Variants in CNTNAP2 observed in about 807,000 individuals in gnomAD.
CNTNAP2 encodes contactin-associated protein-like 2.
CNTNAP2 carries 98 observed loss-of-function variants against 155.2 expected under a neutral mutation model. The ratio of observed to expected loss-of-function variants is 0.63; its 90% confidence interval spans 0.54 to 0.75. The LOEUF (loss-of-function observed/expected upper bound fraction) is 0.75. CNTNAP2 is among the 30% of genes least tolerant of loss of function. The probability of loss-of-function intolerance (pLI) is 0.00; values close to 1 mark genes in which losing one functional copy is unlikely to be tolerated. For synonymous variants in CNTNAP2, 651 were observed against 631.2 expected, an observed-to-expected ratio of 1.03 and a Z score of -0.47; for missense variants, 1,727 against 1,688.1, an observed-to-expected ratio of 1.02 and a Z score of -0.40.
chr7:147,116,353 T>C (rs534138769), intron 5 of CNTNAP2, among the ~76,000 whole-genome samples: 24 of 152,290 alleles, frequency 1.6e-4, no homozygotes, highest in African/African-American at 5.5e-4. Context: ...ATAGAGCCAC[T>C]GTGCTGTGTT....
intron 20 of CNTNAP2, among the ~76,000 whole-genome samples, chr7:148,259,186 A>AAAG (rs1796511036): frequency 7.2e-6 from 1 of 139,028 alleles, no homozygotes; most frequent in African/African-American, 2.7e-5. Flanking sequence ...TCTTAAAAAA[A>AAAG]AAAAAAAAAA....
chr7:146,452,292 T>C (rs1353004269), intron 1 of CNTNAP2, among the ~76,000 whole-genome samples: 1 of 152,156 alleles, frequency 6.6e-6, no homozygotes, highest in Non-Finnish European at 1.5e-5. Context: ...TTCATTTTCA[T>C]CCTCCATTAG....
chr7:146,155,102 T>C (rs1361376948), intron 1 of CNTNAP2, among the ~76,000 whole-genome samples: 1 of 152,156 alleles, frequency 6.6e-6, no homozygotes. Flanking sequence ...GATGAGAAAA[T>C]TGAGGCTTTG....
At chr7:147,615,791 A>C (rs1434080213) in intron 12 of CNTNAP2, among the ~76,000 whole-genome samples, 1 of 152,086 alleles carries the variant, frequency 6.6e-6, no homozygotes, top group Non-Finnish European at 1.5e-5. Context: ...TGGAAAGATC[A>C]TATTACCCAT....
chr7:147,560,740 G>T (rs1387262697), intron 11 of CNTNAP2, among the ~76,000 whole-genome samples: 1 of 151,126 alleles, frequency 6.6e-6, no homozygotes, highest in African/African-American at 2.4e-5. Context: ...TGTGCAAAGG[G>T]AGGAAATGAG....
chr7:147,072,572 A>G (rs1799914076), intron 4 of CNTNAP2, among the ~76,000 whole-genome samples: 2 of 152,106 alleles, frequency 1.3e-5, no homozygotes, highest in South Asian at 4.1e-4. Flanking sequence ...GGATGGTGGT[A>G]GCAGAGTGGA....
At chr7:147,206,758 C>T (rs34463853) in intron 8 of CNTNAP2, among the ~76,000 whole-genome samples, 2,140 of 152,076 alleles carry the variant, frequency 0.014, 19 homozygotes, top group Non-Finnish European at 0.021. Context: ...TGTAATCTAC[C>T]TCATTAAAAC....
intron 8 of CNTNAP2, among the ~76,000 whole-genome samples, chr7:147,171,315 T>G (rs1382142317): frequency 6.6e-6 from 1 of 152,146 alleles, no homozygotes; most frequent in African/African-American, 2.4e-5. Flanking sequence ...TCTCTGAAGA[T>G]CTTTTTAAAT....
At chr7:147,023,324 G>A (rs375879759) in intron 3 of CNTNAP2, among the ~76,000 whole-genome samples, 2 of 152,120 alleles carry the variant, frequency 1.3e-5, no homozygotes, top group Non-Finnish European at 2.9e-5. Context: ...TTTTGATAGT[G>A]CAAGGACCCA....
In CNTNAP2 at chr7:148,383,815, CG is replaced by C; in HGVS notation, c.3646del (p.Ala1216ProfsTer4). The C allele has an allele frequency of 6.2e-7, 1 of 1,614,098 alleles. No homozygotes were observed. Among genetic ancestry groups the C allele is most frequent in the Non-Finnish European group, 8.5e-7 (1 of 1,180,016 alleles). On this transcript the variant is annotated frameshift_variant, in exon 22 of 24. Transcript: ENST00000361727. LOFTEE classifies it high-confidence loss of function. ...AGGGCGAGCTGGTGGAGTCCAACTG[CG>C]GGGCCTCGCCGCTGACCCTCTCCCC... is the stretch of plus-strand genomic sequence containing the variant. Reference protein sequence around the residue: ...IQGELVESNCGASPLTLSPMS... With the variant: ...IQGELVESNCXASPLTLSPMS...
intron 10 of CNTNAP2, among the ~76,000 whole-genome samples, chr7:147,425,070 C>T (rs60313669): frequency 0.021 from 3,151 of 152,130 alleles, 119 homozygotes; most frequent in African/African-American, 0.072. Context: ...CAGAGTGATA[C>T]ATTTCAATGA....
intron 15 of CNTNAP2, among the ~76,000 whole-genome samples, chr7:148,008,535 C>T (rs73168541): frequency 0.043 from 6,605 of 152,296 alleles, 204 homozygotes; most frequent in Non-Finnish European, 0.065. Flanking sequence ...ATACTTCTTT[C>T]CATGTTTAGA....
At chr7:147,930,587 C>T (rs551278010) in intron 14 of CNTNAP2, among the ~76,000 whole-genome samples, 42 of 152,154 alleles carry the variant, frequency 2.8e-4, no homozygotes, top group Non-Finnish European at 4.0e-4. Context: ...GAAGCAAACA[C>T]TGATGGAACT....
intron 14 of CNTNAP2, among the ~76,000 whole-genome samples, chr7:147,912,834 C>T (rs1189376582): frequency 6.6e-6 from 1 of 152,124 alleles, no homozygotes; most frequent in East Asian, 1.9e-4. Flanking sequence ...ATTGATAGTG[C>T]AATAATTAAA....
intron 17 of CNTNAP2, among the ~76,000 whole-genome samples, chr7:148,168,551 G>A (rs887706205): frequency 3.7e-5 from 5 of 136,240 alleles, no homozygotes; most frequent in South Asian, 2.6e-4. Context: ...ATCACACACC[G>A]GGGCCTGTTG....
chr7:146,545,801 C>A (rs1798021406), intron 1 of CNTNAP2, among the ~76,000 whole-genome samples: 1 of 151,830 alleles, frequency 6.6e-6, no homozygotes, highest in African/African-American at 2.4e-5. Context: ...ACCAGAAATA[C>A]CATTTGACCC....
At chr7:147,921,024 T>A (rs1322201554) in intron 14 of CNTNAP2, among the ~76,000 whole-genome samples, 1 of 151,944 alleles carries the variant, frequency 6.6e-6, no homozygotes, top group African/African-American at 2.4e-5. Context: ...TTAGCCAGGA[T>A]GGTCTCCATC....
At chr7:146,748,143 C>CTTTTTTTTTTTTTTTTT (rs61495352) in intron 1 of CNTNAP2, among the ~76,000 whole-genome samples, 44 of 97,986 alleles carry the variant, frequency 4.5e-4, no homozygotes, top group African/African-American at 7.9e-4. Context: ...CTTTTCTTTT[C>CTTTTTTTTTTTTTTTTT]TTTTTTTTTT....
At chr7:146,694,453 A>G (rs963999056) in intron 1 of CNTNAP2, among the ~76,000 whole-genome samples, 1 of 152,114 alleles carries the variant, frequency 6.6e-6, no homozygotes, top group Admixed American at 6.6e-5. Flanking sequence ...ATTCTGTTAC[A>G]TTGATGTATT....
Sources: gnomAD v4.1 joint callset for allele counts (sites outside exome capture counted in the v4.1 genomes callset) on GRCh38, gnomAD v4.1.1 for gene constraint, MANE v1.5 for transcripts, NCBI Gene and HGNC (gene_info 2026-07-23, HGNC 2026-07-21) for gene names.